Variants in AKAP19 observed in about 807,000 individuals in gnomAD.
AKAP19 encodes small A-kinase anchoring protein.
At chr2:190,047,804 A>T in the AKAP19 span, among the ~76,000 whole-genome samples, 623 of 152,340 alleles carry the variant, frequency 4.1e-3, 7 homozygotes, top group African/African-American at 0.014. Context: ...AGACTAGTCA[A>T]CTAATGTAAT....
the AKAP19 span, among the ~76,000 whole-genome samples, chr2:190,014,117 T>C: frequency 6.3e-4 from 96 of 152,340 alleles, no homozygotes; most frequent in Admixed American, 1.5e-3. Context: ...TGGTATGTCC[T>C]GCTTCCATTA....
the AKAP19 span, among the ~76,000 whole-genome samples, chr2:190,126,979 T>C: frequency 6.6e-6 from 1 of 152,044 alleles, no homozygotes; most frequent in Non-Finnish European, 1.5e-5. Flanking sequence ...GCTGGCCACA[T>C]CTTCAGCATA....
the AKAP19 span, among the ~76,000 whole-genome samples, chr2:189,899,340 A>T: frequency 6.6e-6 from 1 of 152,310 alleles, no homozygotes; most frequent in Non-Finnish European, 1.5e-5. Flanking sequence ...AAGTATTTTC[A>T]TATGAATCAG....
chr2:190,088,177 C>G, the AKAP19 span, among the ~76,000 whole-genome samples: 18 of 152,196 alleles, frequency 1.2e-4, no homozygotes, highest in African/African-American at 3.9e-4. Flanking sequence ...GATCAGGGAC[C>G]AGGATTATGC....
chr2:189,886,045 G>T, the AKAP19 span, among the ~76,000 whole-genome samples: 1 of 152,236 alleles, frequency 6.6e-6, no homozygotes, highest in Admixed American at 6.5e-5. Flanking sequence ...CTGACCTCAG[G>T]TGATCCACCT....
At chr2:190,155,139 C>G in the AKAP19 span, among the ~76,000 whole-genome samples, 20 of 152,126 alleles carry the variant, frequency 1.3e-4, no homozygotes, top group South Asian at 8.3e-4. Flanking sequence ...TTCTCTCCCC[C>G]CTTCCCCTCT....
the AKAP19 span, among the ~76,000 whole-genome samples, chr2:190,152,274 T>C: frequency 6.6e-6 from 1 of 152,234 alleles, no homozygotes. Flanking sequence ...TACATTCAAA[T>C]TGTTGCTCCA....
At chr2:190,199,648 C>G in the AKAP19 span, 1 of 1,233,636 alleles carries the variant, frequency 8.1e-7, no homozygotes, top group Non-Finnish European at 1.1e-6. Flanking sequence ...CAATCATACA[C>G]TATTTTGCAT....
At chr2:189,936,004 C>G in the AKAP19 span, among the ~76,000 whole-genome samples, 1 of 151,890 alleles carries the variant, frequency 6.6e-6, no homozygotes, top group African/African-American at 2.4e-5. Context: ...TTCATTTGCT[C>G]TTTTGAAAAG....
chr2:189,957,130 G>A, the AKAP19 span, among the ~76,000 whole-genome samples: 4 of 152,124 alleles, frequency 2.6e-5, no homozygotes, highest in Admixed American at 6.5e-5. Context: ...AGCCGAGATC[G>A]CGCCACTGCA....
chr2:190,085,038 C>T, the AKAP19 span, among the ~76,000 whole-genome samples: 1 of 152,208 alleles, frequency 6.6e-6, no homozygotes, highest in Admixed American at 6.5e-5. Flanking sequence ...CTTCTCTTTA[C>T]ACCTAGTCAG....
chr2:190,061,730 C>CA, the AKAP19 span, among the ~76,000 whole-genome samples: 6 of 150,874 alleles, frequency 4.0e-5, no homozygotes, highest in African/African-American at 1.5e-4. Context: ...CTGTGAAGAA[C>CA]AAAAAAATTA....
At chr2:190,175,506 T>C in the AKAP19 span, among the ~76,000 whole-genome samples, 4 of 152,208 alleles carry the variant, frequency 2.6e-5, no homozygotes, top group Admixed American at 6.5e-5. Context: ...AACTATTCCC[T>C]AGTTTGGGTT....
chr2:190,082,666 C>A, the AKAP19 span, among the ~76,000 whole-genome samples: 1 of 152,158 alleles, frequency 6.6e-6, no homozygotes, highest in Non-Finnish European at 1.5e-5. Flanking sequence ...AATGTTATTT[C>A]ATTTAATTCT....
chr2:189,973,895 A>G, the AKAP19 span, among the ~76,000 whole-genome samples: 1 of 152,044 alleles, frequency 6.6e-6, no homozygotes, highest in Non-Finnish European at 1.5e-5. Context: ...TCTTGCTAGC[A>G]GTCTATCAAT....
At chr2:190,182,281 G>C in the AKAP19 span, among the ~76,000 whole-genome samples, 1 of 152,140 alleles carries the variant, frequency 6.6e-6, no homozygotes, top group Non-Finnish European at 1.5e-5. Context: ...GGCCAATAGC[G>C]CTCCAACTGT....
the AKAP19 span, among the ~76,000 whole-genome samples, chr2:190,093,891 C>G: frequency 2.0e-5 from 3 of 152,188 alleles, no homozygotes; most frequent in African/African-American, 7.2e-5. Context: ...CAGTCAGAGA[C>G]GAAAGCAGTC....
chr2:190,105,117 C>A, the AKAP19 span, among the ~76,000 whole-genome samples: 1 of 152,086 alleles, frequency 6.6e-6, no homozygotes, highest in African/African-American at 2.4e-5. Context: ...TTTGACCCAG[C>A]AATTCCATTA....
chr2:190,152,022 A>C, the AKAP19 span, among the ~76,000 whole-genome samples: 1 of 149,792 alleles, frequency 6.7e-6, no homozygotes, highest in African/African-American at 2.5e-5. Flanking sequence ...CAACAAAAAA[A>C]AAAAACAAAG....
Sources: allele counts gnomAD v4.1 joint callset (sites outside exome capture counted in the v4.1 genomes callset), GRCh38; gene constraint gnomAD v4.1.1; transcripts MANE v1.5; gene names NCBI Gene and HGNC (gene_info 2026-07-23, HGNC 2026-07-21).